The following ITGA7 variants were observed in gnomAD, a reference collection of about 807,000 sequenced individuals.
ITGA7 encodes the protein integrin alpha-7.
Under a neutral mutation model 131.6 loss-of-function variants are expected in ITGA7, and 84 were observed. The observed-to-expected ratio is 0.64, with a 90% CI of 0.54 to 0.77. The LOEUF (loss-of-function observed/expected upper bound fraction) is 0.77. ITGA7 is among the 30% of genes least tolerant of loss of function. ITGA7 has a pLI of 0.00. For missense variants in ITGA7, 1,399 were observed against 1,482.9 expected (o/e 0.94, Z 0.93); for synonymous variants, 548 against 600.7 (o/e 0.91, Z 1.28).
intron 8 of ITGA7, 51 bp downstream of exon 8, chr12:55,697,887 C>T: frequency 6.2e-7 from 1 of 1,614,126 alleles, no homozygotes; most frequent in Admixed American, 1.7e-5. Context: ...CCCCTGATGC[C>T]TCTGCTGATT....
intron 19 of ITGA7, 61 bp from the exon 20 acceptor site, chr12:55,693,378 A>AT: frequency 3.1e-6 from 4 of 1,303,758 alleles, no homozygotes; most frequent in Non-Finnish European, 4.3e-6. Context: ...TTTTTTTTTA[A>AT]TTTTTTGTAG....
At position 55,696,970 on chromosome 12, in the gene ITGA7, G is replaced by T. The variant is rs778787728; in HGVS notation, c.1666C>A (p.Gln556Lys). 1 of 1,614,166 alleles carries T rather than the reference G, an allele frequency of 6.2e-7. No homozygotes were observed. Among genetic ancestry groups the T allele is most frequent in the Non-Finnish European group, 8.5e-7 (1 of 1,180,038 alleles). ...LSRNLEEPKH[Q>K]ASGTVWLKHQ... ...TTCAGCCACACGGTGCCCGAGGCCT[G>T]GTGCTTGGGTTCTTCCAGGTTACGG... Residue 556 changes from glutamine to lysine, a missense_variant, in exon 12 of 25, where the codon CAG (glutamine) becomes AAG (lysine). Gln to Lys is a moderately conservative substitution (Grantham distance 53). Coordinates refer to ENST00000257879, the MANE Select transcript of ITGA7 (RefSeq NM_002206.3).
At chr12:55,700,338 G>T (rs375762415) in intron 4 of ITGA7, 1 of 1,610,660 alleles carries the variant, frequency 6.2e-7, no homozygotes, top group African/African-American at 1.3e-5. Flanking sequence ...AGGGACCGTC[G>T]TCCAGGTGTG....
At chr12:55,706,176 GC>G (rs1875140693) in intron 1 of ITGA7, among the ~76,000 whole-genome samples, 1 of 152,210 alleles carries the variant, frequency 6.6e-6, no homozygotes, top group African/African-American at 2.4e-5. Flanking sequence ...TCCTAAAAAG[GC>G]CTCCAGTCCT....
rs766782086 is a variant in ITGA7 at position 55,698,927 on chromosome 12, G to T, written c.791-10C>A. ...GAGTCAATAGAGAAGCCTGGGGGAAGGGTGACTTACCCCTAAGTCTTCACC... is the reference window on the plus strand; with the variant it reads ...GAGTCAATAGAGAAGCCTGGGGGAATGGTGACTTACCCCTAAGTCTTCACC... On this transcript the variant is annotated splice_polypyrimidine_tract_variant and intron_variant, in intron 5 of 24. Coordinates refer to ENST00000257879, the MANE Select transcript of ITGA7 (RefSeq NM_002206.3). 4 of 1,601,572 alleles carry T rather than the reference G, an allele frequency of 2.5e-6. No homozygotes were observed. The African/African-American group carries it at 5.4e-5, about 21-fold the overall frequency.
At chr12:55,716,240 C>A, upstream of ITGA7, 1 of 1,568,004 alleles carries the variant, frequency 6.4e-7, no homozygotes, top group East Asian at 2.4e-5. Context: ...CGGCCGCGGC[C>A]TAGCTTCAGC....
chr12:55,712,547 AG>A (rs1876211770), upstream of ITGA7: 7 of 530,022 alleles, frequency 1.3e-5, no homozygotes, highest in South Asian at 1.9e-4. Flanking sequence ...GAGTGAAGAA[AG>A]GAGTGTGGAG....
upstream of ITGA7, chr12:55,716,003 G>T: frequency 6.6e-7 from 1 of 1,505,356 alleles, no homozygotes; most frequent in Non-Finnish European, 8.9e-7. Flanking sequence ...TTCACCCAAG[G>T]TCTCAAGAGG....
chr12:55,712,342 C>G, upstream of ITGA7: 5 of 988,604 alleles, frequency 5.1e-6, no homozygotes, highest in East Asian at 1.3e-4. Flanking sequence ...GCCACACCAC[C>G]ACCAACCCCC....
chr12:55,693,979 G>A (rs1872046076), intron 19 of ITGA7, 42 bp downstream of exon 19: 1 of 1,487,726 alleles, frequency 6.7e-7, no homozygotes, highest in Non-Finnish European at 9.3e-7. Context: ...CTGTGCCAAG[G>A]AGGGAGGGTG....
At chr12:55,714,118 T>C (rs993828377), upstream of ITGA7, among the ~76,000 whole-genome samples, 3 of 152,218 alleles carry the variant, frequency 2.0e-5, no homozygotes, top group African/African-American at 4.8e-5. Context: ...GGCTCACACC[T>C]GTAATCCCAG....
chr12:55,699,050 C>T (rs752684427), intron 5 of ITGA7, 133 bp from the exon 6 acceptor site: 8 of 802,228 alleles, frequency 1.0e-5, no homozygotes, highest in Non-Finnish European at 1.6e-5. Flanking sequence ...ACCCTGCCCC[C>T]TCCCCTAGGT....
In ITGA7 at chr12:55,702,884, C is replaced by G. The variant is rs769245155; in HGVS notation, c.402G>C (p.Gly134=). ...LGVSVRSQGP[G]GKIVTCAHRY... ...AAGCAATACTCACAACAATCTTGCC[C>G]CCAGGCCCCTGGCTCCGAACACTGA... is the stretch of plus-strand genomic sequence containing the variant. The change falls in exon 3 of 25, where the codon GGG becomes GGC. Residue 134 remains glycine, a synonymous_variant. Transcript: ENST00000257879. 1.2e-6 allele frequency: 2 copies of G among 1,612,992 alleles called. No homozygotes were observed. The highest frequency in any genetic ancestry group is 2.2e-5 in the South Asian group (2 of 91,076).
At position 55,685,250 on chromosome 12, in the gene ITGA7, G is replaced by A. The variant is rs768717588; in HGVS notation, c.3222C>T (p.Thr1074=). ...TCTTCACCGCATGGTACTGGGGCAC[G>A]GTGGCCTCGGGGTGCTTCGCCCGTT... ...FFKRAKHPEA[T]VPQYHAVKIP... is the part of the protein sequence containing the mutation. Residue 1074 remains threonine (T), a synonymous_variant, in exon 25 of 25, where the codon ACC becomes ACT. Transcript: ENST00000257879. The A allele has an allele frequency of 4.2e-5, 67 of 1,614,104 alleles. No homozygotes were observed. The Middle Eastern group carries it at 6.6e-4, about 16-fold the overall frequency.
At position 55,707,533 on chromosome 12, in the gene ITGA7, G is replaced by T; in HGVS notation, c.150C>A (p.Ser50Arg). Reference protein sequence around the residue: ...GALRKEGEPGSLFGFSVALHR... With the variant: ...GALRKEGEPGRLFGFSVALHR... ...GCAGGGCCACAGAGAAGCCGAAGAG[G>T]CTGCCTGGCTCGCCCTCCTTGCGCA... Residue 50 changes from serine (S) to arginine (R), a missense_variant, in exon 1 of 25, where the codon AGC becomes AGA. Physicochemically the swap from Ser to Arg is moderately radical, Grantham distance 110. Transcript: ENST00000257879. 6.2e-7 allele frequency: 1 copy of T among 1,614,038 alleles called. No homozygotes were observed. The highest frequency in any genetic ancestry group is 8.5e-7 in the Non-Finnish European group (1 of 1,179,980).
At chr12:55,693,400 A>G in intron 19 of ITGA7, 83 bp from the exon 20 acceptor site, 1 of 1,249,186 alleles carries the variant, frequency 8.0e-7, no homozygotes, top group Non-Finnish European at 1.1e-6. Flanking sequence ...GACAGGATCT[A>G]TGTTGCCCAG....
intron 21 of ITGA7, among the ~76,000 whole-genome samples, chr12:55,691,026 G>A (rs1039447027): frequency 2.6e-5 from 4 of 151,596 alleles, no homozygotes; most frequent in African/African-American, 4.8e-5. Context: ...GCTAAATGAC[G>A]AGTTAATGGG....
At position 55,696,351 on chromosome 12, in the gene ITGA7, G is replaced by A. The variant is rs139663941; in HGVS notation, c.1819C>T (p.Pro607Ser). Residue 607 changes from proline (P) to serine (S), a missense_variant, in exon 13 of 25, where the codon CCT (proline) becomes TCT (serine). Pro to Ser is a moderately conservative substitution (Grantham distance 74). Coordinates refer to ENST00000257879, the MANE Select transcript of ITGA7 (RefSeq NM_002206.3). ...GCCACTGGAGGCAGCCCCTGGCCAGGAGCCTGTCGCCGGAGCCGAGGGGTC... is the reference window on the plus strand; with the variant it reads ...GCCACTGGAGGCAGCCCCTGGCCAGAAGCCTGTCGCCGGAGCCGAGGGGTC... ...LQTPRLRRQA[P>S]GQGLPPVAPI... 1.3e-6 allele frequency: 2 copies of A among 1,589,342 alleles called. No homozygotes were observed. The highest frequency in any genetic ancestry group is 8.6e-7 in the Non-Finnish European group (1 of 1,166,802).
At position 55,684,748 on chromosome 12, in the gene ITGA7, G is replaced by C. The variant is rs929280524; in HGVS notation, c.*310C>G. The C allele has an allele frequency of 5.3e-6, 2 of 374,980 alleles. No individual in the cohort carries two copies. Among genetic ancestry groups the C allele is most frequent in the Non-Finnish European group, 9.6e-6 (2 of 207,730 alleles). 23.2% of individuals were successfully genotyped at this position (374,980 alleles called of 1,614,324 possible). ...CGGGGAGGCAGGTCCTTGGGGTCCT[G>C]TTACACAGGGTGAATGGGAGAGGAA... On this transcript the variant is annotated 3_prime_UTR_variant, in exon 25 of 25. Coordinates refer to ENST00000257879, the MANE Select transcript of ITGA7 (RefSeq NM_002206.3).
Sources: allele counts gnomAD v4.1 joint callset (sites outside exome capture counted in the v4.1 genomes callset), GRCh38; gene constraint gnomAD v4.1.1; transcripts MANE v1.5; gene names NCBI Gene and HGNC (gene_info 2026-07-23, HGNC 2026-07-21).